WDPCP: variants seen among roughly 807,000 people sequenced by gnomAD.
The protein encoded by WDPCP is WD repeat containing planar cell polarity effector.
WDPCP carries 71 observed loss-of-function variants against 93.1 expected under a neutral mutation model. The observed-to-expected ratio is 0.76, with a 90% CI of 0.63 to 0.93. The LOEUF is 0.93. Ranked by LOEUF, WDPCP falls within the 40% of genes least tolerant of loss-of-function variation. The pLI, the probability that WDPCP is intolerant of heterozygous loss-of-function variation, is 0.00. For missense variants in WDPCP, 844 were observed against 887.4 expected, an observed-to-expected ratio of 0.95 and a Z score of 0.62; for synonymous variants, 315 against 315.0, an observed-to-expected ratio of 1.00 and a Z score of 0.00.
intron 2 of WDPCP, among the ~76,000 whole-genome samples, chr2:63,723,488 A>C (rs900734190): frequency 6.6e-6 from 1 of 152,210 alleles, no homozygotes; most frequent in African/African-American, 2.4e-5. Flanking sequence ...ATCATAATGC[A>C]TCTAAAGAAT....
chr2:63,297,504 T>C (rs4671476), intron 13 of WDPCP, among the ~76,000 whole-genome samples: 121,852 of 152,114 alleles, frequency 0.8, 49,675 homozygotes, highest in East Asian at 0.96. Context: ...TTTCCTCTAT[T>C]ATTCTCCTAC....
upstream of WDPCP, among the ~76,000 whole-genome samples, chr2:63,829,753 C>T (rs1671165009): frequency 6.6e-6 from 1 of 151,994 alleles, no homozygotes; most frequent in South Asian, 2.1e-4. Flanking sequence ...GTATTATTTG[C>T]TCTGTTAGAA....
chr2:63,760,220 C>T (rs1670035657), intron 2 of WDPCP, among the ~76,000 whole-genome samples: 1 of 152,056 alleles, frequency 6.6e-6, no homozygotes, highest in Non-Finnish European at 1.5e-5. Flanking sequence ...AGCATAAAGC[C>T]CCCTTCTGAG....
At chr2:63,392,933 G>T (rs1332651743) in intron 10 of WDPCP, among the ~76,000 whole-genome samples, 1 of 152,218 alleles carries the variant, frequency 6.6e-6, no homozygotes, top group African/African-American at 2.4e-5. Flanking sequence ...CTTTTACACT[G>T]TTGGTGGGAC....
chr2:63,374,507 T>A (rs1352959089), intron 12 of WDPCP, among the ~76,000 whole-genome samples: 2 of 152,190 alleles, frequency 1.3e-5, no homozygotes, highest in Non-Finnish European at 2.9e-5. Flanking sequence ...TTAAAATGAT[T>A]TCATACAAAT....
intron 2 of WDPCP, among the ~76,000 whole-genome samples, chr2:63,705,292 G>T (rs932923409): frequency 6.6e-6 from 1 of 151,966 alleles, no homozygotes; most frequent in South Asian, 2.1e-4. Flanking sequence ...TTGTGTCTCT[G>T]TTTCCTTCAG....
intron 14 of WDPCP, among the ~76,000 whole-genome samples, chr2:63,201,268 G>GCT (rs1559197744): frequency 1.3e-5 from 2 of 152,088 alleles, no homozygotes; most frequent in African/African-American, 4.8e-5. Context: ...CCCCAGCCAT[G>GCT]CTTCCTGTAC....
intron 2 of WDPCP, among the ~76,000 whole-genome samples, chr2:63,804,251 CTTT>C (rs548734461): frequency 6.4e-5 from 9 of 139,790 alleles, no homozygotes; most frequent in Admixed American, 7.2e-5. Flanking sequence ...CCAGATACTC[CTTT>C]TTTTTTTTTT....
At chr2:63,682,499 G>A (rs964630863) in intron 2 of WDPCP, among the ~76,000 whole-genome samples, 4 of 150,548 alleles carry the variant, frequency 2.7e-5, no homozygotes, top group African/African-American at 9.8e-5. Flanking sequence ...GGAGACAAAA[G>A]AAAAAAGAAT....
rs1688915716 is a variant in WDPCP at position 63,342,502 on chromosome 2, T to C, written c.1749-29191A>G. 2.0e-5 allele frequency among the ~76,000 whole-genome samples: 3 copies of C among 152,226 alleles called. No homozygotes were observed. In the South Asian group the frequency reaches 6.2e-4, roughly 32 times the overall value. On this transcript the variant is annotated intron_variant, in intron 12 of 17. Coordinates refer to ENST00000272321, the MANE Select transcript of WDPCP (RefSeq NM_015910.7). ...TTTTTTCCAGTGTACCATTTTAATC[T>C]TCATTGCCTTTTCTGTATATATTTT...
At chr2:63,219,864 G>C (rs890520883) in intron 14 of WDPCP, among the ~76,000 whole-genome samples, 4 of 151,992 alleles carry the variant, frequency 2.6e-5, no homozygotes, top group Non-Finnish European at 5.9e-5. Flanking sequence ...TTAGCCGGGG[G>C]TGGTGGCAGC....
chr2:63,589,339 C>T (rs1335343753), upstream of WDPCP: 3 of 1,550,502 alleles, frequency 1.9e-6, no homozygotes, highest in Non-Finnish European at 2.6e-6. Context: ...TGCGACGCTG[C>T]AGCTATTTTC....
chr2:63,224,764 A>G (rs896628418), intron 14 of WDPCP, among the ~76,000 whole-genome samples: 2 of 152,036 alleles, frequency 1.3e-5, no homozygotes, highest in African/African-American at 4.8e-5. Context: ...AGCACAGAGG[A>G]TTCTAAGGAC....
chr2:63,226,123 A>T (rs1678270177), intron 14 of WDPCP, among the ~76,000 whole-genome samples: 1 of 151,880 alleles, frequency 6.6e-6, no homozygotes, highest in Non-Finnish European at 1.5e-5. Context: ...TTGGAACAGG[A>T]GTTTGTGATG....
At chr2:63,583,393 T>C (rs1708619209) in intron 1 of WDPCP, among the ~76,000 whole-genome samples, 1 of 152,106 alleles carries the variant, frequency 6.6e-6, no homozygotes, top group Non-Finnish European at 1.5e-5. Context: ...CCTTGAAATT[T>C]TGAAAACCTG....
rs551177786 is a variant in WDPCP, at chr2:63,451,048, T to C, written c.385-11177A>G. Reference sequence around the variant, plus strand: ...GAAAAAGATTTCAAAAGTATGATACTAAAGAAGCTCAGTAAGATACAAGAG... The same window carrying C: ...GAAAAAGATTTCAAAAGTATGATACCAAAGAAGCTCAGTAAGATACAAGAG... On this transcript the variant is annotated intron_variant, in intron 6 of 17. Transcript: ENST00000272321. Among the ~76,000 whole-genome samples the C allele has an allele frequency of 5.9e-5, 9 of 151,724 alleles. No individual in the cohort carries two copies. The South Asian group carries it at 1.9e-3, about 32-fold the overall frequency.
chr2:63,460,342 G>A (rs1270890064), intron 6 of WDPCP, among the ~76,000 whole-genome samples: 2 of 152,088 alleles, frequency 1.3e-5, no homozygotes, highest in Admixed American at 1.3e-4. Context: ...ATCGGGGGTG[G>A]GGGAGAGAGT....
At chr2:63,300,399 C>T (rs1411486865) in intron 13 of WDPCP, among the ~76,000 whole-genome samples, 2 of 152,148 alleles carry the variant, frequency 1.3e-5, no homozygotes, top group African/African-American at 2.4e-5. Flanking sequence ...CCTTCTGAGG[C>T]TCTCAGCCTC....
At chr2:63,677,566 A>C (rs983517286) in intron 2 of WDPCP, among the ~76,000 whole-genome samples, 1 of 152,184 alleles carries the variant, frequency 6.6e-6, no homozygotes, top group African/African-American at 2.4e-5. Flanking sequence ...AAGCAGCCAC[A>C]GAATAAAAAC....
Sources: allele counts gnomAD v4.1 joint callset (sites outside exome capture counted in the v4.1 genomes callset), GRCh38; gene constraint gnomAD v4.1.1; transcripts MANE v1.5; gene names NCBI Gene and HGNC (gene_info 2026-07-23, HGNC 2026-07-21).